EIF4B: variants seen among roughly 807,000 people sequenced by gnomAD.
The protein encoded by EIF4B is eukaryotic translation initiation factor 4B.
EIF4B carries 8 observed loss-of-function variants against 79.3 expected under a neutral mutation model. That is an observed-to-expected ratio of 0.10 (90% confidence interval 0.06 to 0.18). EIF4B has a LOEUF of 0.18. Ranked by LOEUF, EIF4B falls within the 10% of genes least tolerant of loss-of-function variation. The pLI is 1.00. For missense variants in EIF4B, 515 were observed against 792.4 expected, an observed-to-expected ratio of 0.65 and a Z score of 4.20; for synonymous variants, 238 against 274.7, an observed-to-expected ratio of 0.87 and a Z score of 1.32.
At chr12:53,034,808 G>C in intron 10 of EIF4B, 99 bp downstream of exon 10, 1 of 1,377,546 alleles carries the variant, frequency 7.3e-7, no homozygotes, top group Non-Finnish European at 1.0e-6. Context: ...ATTCAGTCAT[G>C]AACTCTTTAT....
At position 53,016,502 on chromosome 12, in the gene EIF4B, A is replaced by G. The variant is rs201622835; in HGVS notation, c.43A>G (p.Ile15Val). Reference sequence around the variant, plus strand: ...AAAGAAGAATAAGAAGGGGAAGACTATCTCCCTAACAGACTTTCTGGCTGA... The same window carrying G: ...AAAGAAGAATAAGAAGGGGAAGACTGTCTCCCTAACAGACTTTCTGGCTGA... Reference protein sequence around the residue: ...AKKKNKKGKTISLTDFLAEDG... With the variant: ...AKKKNKKGKTVSLTDFLAEDG... The change falls in exon 2 of 15, where the codon ATC becomes GTC. Residue 15 changes from isoleucine to valine, a missense_variant. By Grantham distance (29) the Ile-to-Val change is conservative. This residue lies in a region of EIF4B where 105 missense variants were observed against 177.2 expected (regional missense o/e 0.59). Coordinates refer to ENST00000262056, the MANE Select transcript of EIF4B (RefSeq NM_001417.7). 1 of 1,612,906 alleles carries G rather than the reference A, an allele frequency of 6.2e-7. No homozygotes were observed. The highest frequency in any genetic ancestry group is 2.2e-5 in the East Asian group (1 of 44,882).
chr12:53,025,974 G>GT (rs1943327401), intron 6 of EIF4B, among the ~76,000 whole-genome samples: 1 of 151,956 alleles, frequency 6.6e-6, no homozygotes, highest in Non-Finnish European at 1.5e-5. Context: ...AGCCGGACAC[G>GT]TGTAACCTCA....
chr12:53,027,971 TTC>T (rs2120948284), intron 7 of EIF4B, 42 bp from the exon 8 acceptor site: 2 of 1,608,094 alleles, frequency 1.2e-6, no homozygotes, highest in Non-Finnish European at 1.7e-6. Context: ...CCTTTTTTTT[TTC>T]CCCCTCCGCT....
intron 6 of EIF4B, among the ~76,000 whole-genome samples, chr12:53,026,270 G>C (rs1943332453): frequency 1.3e-5 from 2 of 152,092 alleles, no homozygotes; most frequent in African/African-American, 4.8e-5. Flanking sequence ...GAAGATCCTA[G>C]CAACAGTCAG....
At chr12:53,025,242 G>A in intron 6 of EIF4B, 1 of 455,790 alleles carries the variant, frequency 2.2e-6, no homozygotes. Flanking sequence ...AATGGCTCTT[G>A]AAAGAAAAAG....
chr12:53,020,823 G>C (rs1385514228), intron 4 of EIF4B, among the ~76,000 whole-genome samples: 1 of 151,996 alleles, frequency 6.6e-6, no homozygotes, highest in Non-Finnish European at 1.5e-5. Context: ...TGCATATGAA[G>C]GTCTAATCTT....
chr12:53,035,462 G>A (rs562915708), intron 10 of EIF4B, among the ~76,000 whole-genome samples: 1 of 151,166 alleles, frequency 6.6e-6, no homozygotes, highest in African/African-American at 2.4e-5. Flanking sequence ...TCTGCCTCCC[G>A]GGTTCATGCC....
intron 13 of EIF4B, 28 bp downstream of exon 13, chr12:53,039,371 C>A (rs777289848): frequency 6.6e-7 from 1 of 1,508,686 alleles, no homozygotes; most frequent in Non-Finnish European, 9.1e-7. Context: ...CTCATCTTTC[C>A]TCTGATCCAC....
chr12:53,006,683 ACCTTCC>A (rs915872821), intron 1 of EIF4B, among the ~76,000 whole-genome samples, 187 bp downstream of exon 1: 10 of 150,640 alleles, frequency 6.6e-5, no homozygotes, highest in Non-Finnish European at 1.3e-4. Flanking sequence ...GGGGAAGGAC[ACCTTCC>A]CCTCCCCCTC....
rs11542590 is a variant in EIF4B, at chr12:53,040,500, G to A, written c.*277G>A. 87 of 336,444 alleles carry A rather than the reference G, an allele frequency of 2.6e-4. No homozygotes were observed. The East Asian group carries it at 4.8e-3, about 19-fold the overall frequency. The allele number at this position is 336,444 out of a possible 1,614,324, so 20.8% of individuals were successfully genotyped here. On this transcript the variant is annotated 3_prime_UTR_variant, in exon 15 of 15. Transcript: ENST00000262056. Reference sequence around the variant, plus strand: ...GCGTTATGTCACCATGCAGTTGCCAGTGTGATTAGTGCCTAGGGGTCTCCA... The same window carrying A: ...GCGTTATGTCACCATGCAGTTGCCAATGTGATTAGTGCCTAGGGGTCTCCA...
intron 2 of EIF4B, among the ~76,000 whole-genome samples, chr12:53,017,418 AAAG>A (rs1943166291): frequency 6.6e-6 from 1 of 152,126 alleles, no homozygotes; most frequent in Non-Finnish European, 1.5e-5. Flanking sequence ...GTGGGAAAAT[AAAG>A]AAGAGTCAAT....
intron 1 of EIF4B, 95 bp downstream of exon 1, chr12:53,006,591 C>T: frequency 6.2e-7 from 1 of 1,602,664 alleles, no homozygotes; most frequent in East Asian, 2.2e-5. Context: ...ATTGCTGGCA[C>T]TGGTTCCTTT....
At chr12:53,025,743 G>A (rs1392581424) in intron 6 of EIF4B, among the ~76,000 whole-genome samples, 3 of 152,116 alleles carry the variant, frequency 2.0e-5, no homozygotes, top group African/African-American at 7.2e-5. Context: ...ACCAGGAAAT[G>A]TTATGTCTGG....
chr12:53,007,512 T>C (rs1012255132), intron 1 of EIF4B, among the ~76,000 whole-genome samples: 5 of 151,098 alleles, frequency 3.3e-5, no homozygotes, highest in Admixed American at 2.6e-4. Context: ...CTGGAGTTGC[T>C]TACTTCTTTA....
rs2120988318 is a variant in EIF4B at position 53,038,426 on chromosome 12, T to C, written c.1576+15T>C. On this transcript the variant is annotated intron_variant, in intron 12 of 14. Coordinates refer to ENST00000262056, the MANE Select transcript of EIF4B (RefSeq NM_001417.7). ...AGGAAGGAAAGGTGAGCTCATAGTA[T>C]GGGAAATAGGTTTTTCACCTAGAAG... 1.3e-6 allele frequency: 2 copies of C among 1,578,120 alleles called. No homozygotes were observed. The highest frequency in any genetic ancestry group is 1.9e-5 in the Admixed American group (1 of 52,690).
At chr12:53,012,479 G>A (rs1233561988) in intron 1 of EIF4B, among the ~76,000 whole-genome samples, 5 of 151,552 alleles carry the variant, frequency 3.3e-5, no homozygotes, top group Admixed American at 2.0e-4. Context: ...GCTTGAACCC[G>A]GGAGGCGGAG....
chr12:53,038,907 C>T (rs762371728), intron 12 of EIF4B: 6 of 217,672 alleles, frequency 2.8e-5, no homozygotes, highest in Non-Finnish European at 4.5e-5. Context: ...CCTGCCCTTT[C>T]CTGGTAGAAC....
intron 1 of EIF4B, among the ~76,000 whole-genome samples, chr12:53,011,560 A>G (rs967849282): frequency 6.6e-6 from 1 of 152,198 alleles, no homozygotes; most frequent in Non-Finnish European, 1.5e-5. Context: ...AATGAGCAGA[A>G]TCAGAGATAA....
At chr12:53,032,145 AAG>A (rs1168049327) in intron 8 of EIF4B, among the ~76,000 whole-genome samples, 1 of 152,156 alleles carries the variant, frequency 6.6e-6, no homozygotes, top group Non-Finnish European at 1.5e-5. Flanking sequence ...ACAAGGGTAT[AAG>A]ATCTAGAGTC....
Sources: gnomAD v4.1 joint callset for allele counts (sites outside exome capture counted in the v4.1 genomes callset) on GRCh38, gnomAD v4.1.1 for gene constraint, gnomAD v4.1.1 regional missense constraint, MANE v1.5 for transcripts, NCBI Gene and HGNC (gene_info 2026-07-23, HGNC 2026-07-21) for gene names.